SLC24A2: variants seen among roughly 807,000 people sequenced by gnomAD.
SLC24A2 encodes sodium/potassium/calcium exchanger 2.
SLC24A2 carries 36 observed loss-of-function variants against 62.0 expected under a neutral mutation model. That is an observed-to-expected ratio of 0.58 (90% CI 0.44 to 0.77). The LOEUF (loss-of-function observed/expected upper bound fraction) is 0.77. Among genes scored for constraint, SLC24A2 ranks in the 30% least tolerant of loss-of-function variants. The pLI is 0.00. For synonymous variants in SLC24A2, 358 were observed against 294.0 expected (o/e 1.22, Z -2.23); for missense variants, 846 against 817.9 (o/e 1.03, Z -0.42).
At chr9:19,539,097 T>G (rs1287933032) in intron 8 of SLC24A2, among the ~76,000 whole-genome samples, 2 of 73,740 alleles carry the variant, frequency 2.7e-5, no homozygotes, top group Admixed American at 3.1e-4. Flanking sequence ...TTCTCTCTTT[T>G]TTTCTTTATT....
the SLC24A2 span, among the ~76,000 whole-genome samples, chr9:20,276,468 C>G: frequency 6.6e-6 from 1 of 152,152 alleles, no homozygotes; most frequent in African/African-American, 2.4e-5. Flanking sequence ...CAGGGTACAG[C>G]CCCACTCCTG....
At chr9:19,573,269 A>G (rs761521153) in intron 7 of SLC24A2, 82 bp downstream of exon 7, 2 of 942,248 alleles carry the variant, frequency 2.1e-6, no homozygotes, top group Non-Finnish European at 3.5e-6. Context: ...GGGGCTTCCA[A>G]GGAGAATATA....
the SLC24A2 span, among the ~76,000 whole-genome samples, chr9:20,137,394 T>C: frequency 1.3e-5 from 2 of 152,156 alleles, no homozygotes; most frequent in African/African-American, 2.4e-5. Context: ...AGCACTGAAG[T>C]TGAAATTGGA....
At chr9:20,051,452 T>C in the SLC24A2 span, among the ~76,000 whole-genome samples, 1 of 151,928 alleles carries the variant, frequency 6.6e-6, no homozygotes, top group Non-Finnish European at 1.5e-5. Flanking sequence ...AATATCAGCA[T>C]GGATAGATAA....
rs1407539267 is a variant in SLC24A2, at chr9:19,513,166, A to G, written c.*2987T>C. On this transcript the variant is annotated 3_prime_UTR_variant, in exon 11 of 11. Coordinates refer to ENST00000341998, the MANE Select transcript of SLC24A2 (RefSeq NM_020344.4). Reference sequence around the variant, plus strand: ...ATCTGGTATAAAGATATATATATATATATATATATGTATATATATATATAT... The same window carrying G: ...ATCTGGTATAAAGATATATATATATGTATATATATGTATATATATATATAT... 3.3e-5 allele frequency: 2 copies of G among 61,320 alleles called. No individual in the cohort carries two copies. Among genetic ancestry groups the G allele is most frequent in the Non-Finnish European group, 7.0e-5 (2 of 28,412 alleles). The allele number at this position is 61,320 out of a possible 1,614,324, so 3.8% of individuals were successfully genotyped here. A position where few individuals can be genotyped will look rare whatever the true frequency, so the allele number is the denominator to read the frequency against.
chr9:19,781,244 G>C (rs1171944343), intron 2 of SLC24A2, among the ~76,000 whole-genome samples: 1 of 152,142 alleles, frequency 6.6e-6, no homozygotes, highest in Non-Finnish European at 1.5e-5. Flanking sequence ...CAAGAGAATA[G>C]CTTAACACAC....
chr9:19,949,364 C>G, the SLC24A2 span, among the ~76,000 whole-genome samples: 1 of 152,034 alleles, frequency 6.6e-6, no homozygotes, highest in South Asian at 2.1e-4. Flanking sequence ...ACGATTTTTC[C>G]TAGATATGAA....
chr9:20,195,096 C>T, the SLC24A2 span, among the ~76,000 whole-genome samples: 3 of 152,166 alleles, frequency 2.0e-5, no homozygotes, highest in African/African-American at 7.2e-5. Context: ...AAGATTTGTC[C>T]ATGCTGGAAC....
At chr9:20,088,285 G>A in the SLC24A2 span, among the ~76,000 whole-genome samples, 49 of 152,346 alleles carry the variant, frequency 3.2e-4, no homozygotes, top group South Asian at 5.6e-3. Context: ...CTTTACCTCC[G>A]CCTGAGATGG....
chr9:20,131,101 T>G, the SLC24A2 span, among the ~76,000 whole-genome samples: 1 of 151,218 alleles, frequency 6.6e-6, no homozygotes, highest in African/African-American at 2.5e-5. Flanking sequence ...AACTTCCTGT[T>G]TATAAAAGGG....
At chr9:20,091,060 T>C in the SLC24A2 span, among the ~76,000 whole-genome samples, 2 of 147,314 alleles carry the variant, frequency 1.4e-5, no homozygotes, top group East Asian at 2.0e-4. Flanking sequence ...CACAATACAA[T>C]AGCAAATATT....
chr9:20,091,183 A>C, the SLC24A2 span, among the ~76,000 whole-genome samples: 1 of 152,082 alleles, frequency 6.6e-6, no homozygotes, highest in African/African-American at 2.4e-5. Flanking sequence ...GAATGAACAA[A>C]ACCTCCGAGA....
the SLC24A2 span, among the ~76,000 whole-genome samples, chr9:20,172,198 C>G: frequency 6.6e-6 from 1 of 151,910 alleles, no homozygotes; most frequent in African/African-American, 2.4e-5. Flanking sequence ...TGGGATATAG[C>G]AAAGGCAGTG....
At chr9:19,827,992 G>T in the SLC24A2 span, among the ~76,000 whole-genome samples, 2 of 152,256 alleles carry the variant, frequency 1.3e-5, no homozygotes, top group East Asian at 3.9e-4. Context: ...CTCCTCAGAG[G>T]CTTCATGACA....
chr9:19,831,338 C>T, the SLC24A2 span, among the ~76,000 whole-genome samples: 1 of 152,166 alleles, frequency 6.6e-6, no homozygotes, highest in African/African-American at 2.4e-5. Flanking sequence ...TCCTGAAAGT[C>T]TGTATGAAAA....
the SLC24A2 span, among the ~76,000 whole-genome samples, chr9:19,838,031 C>G: frequency 6.7e-6 from 1 of 150,360 alleles, no homozygotes; most frequent in African/African-American, 2.4e-5. Flanking sequence ...CCCCATCAAG[C>G]TACCAATGCC....
chr9:19,735,326 A>G (rs966560886), intron 2 of SLC24A2, among the ~76,000 whole-genome samples: 4 of 152,204 alleles, frequency 2.6e-5, no homozygotes, highest in African/African-American at 7.2e-5. Context: ...CACACCAGTT[A>G]GAATGGCAAT....
At chr9:19,866,232 C>A in the SLC24A2 span, among the ~76,000 whole-genome samples, 1 of 152,138 alleles carries the variant, frequency 6.6e-6, no homozygotes, top group Admixed American at 6.5e-5. Flanking sequence ...GAAAAGGGAA[C>A]CCTCATACAC....
intron 2 of SLC24A2, among the ~76,000 whole-genome samples, chr9:19,668,043 C>T (rs1166040577): frequency 1.3e-5 from 2 of 152,112 alleles, no homozygotes; most frequent in Non-Finnish European, 2.9e-5. Flanking sequence ...ATCTCCTTGG[C>T]CACATTGGAA....
Sources: gnomAD v4.1 joint callset for allele counts (sites outside exome capture counted in the v4.1 genomes callset) on GRCh38, gnomAD v4.1.1 for gene constraint, MANE v1.5 for transcripts, NCBI Gene and HGNC (gene_info 2026-07-23, HGNC 2026-07-21) for gene names.